Variants in IQCJ observed in about 807,000 individuals in gnomAD.
The protein encoded by IQCJ is IQ motif containing J, also known as IQ domain-containing protein J.
Under a neutral mutation model 11.0 loss-of-function variants are expected in IQCJ, and 9 were observed. That is an observed-to-expected ratio of 0.82 (90% CI 0.49 to 1.43). The LOEUF is 1.43. IQCJ is among the 40% of genes most tolerant of loss of function. The probability of loss-of-function intolerance (pLI) is 0.00; values close to 1 mark genes in which losing one functional copy is unlikely to be tolerated. For missense variants in IQCJ, 146 were observed against 133.2 expected (o/e 1.10, Z -0.47); for synonymous variants, 55 against 51.3 (o/e 1.07, Z -0.31).
chr3:159,230,077 T>C (rs1726156752), intron 1 of IQCJ, among the ~76,000 whole-genome samples: 1 of 151,396 alleles, frequency 6.6e-6, no homozygotes, highest in East Asian at 2.0e-4. Context: ...GCAGTGTTTA[T>C]TGTACCTATT....
chr3:159,252,920 C>G, intron 3 of IQCJ, 113 bp downstream of exon 3: 6 of 1,068,508 alleles, frequency 5.6e-6, no homozygotes, highest in Non-Finnish European at 8.1e-6. Context: ...CATTCATGTG[C>G]TGCATATTAT....
intron 1 of IQCJ, among the ~76,000 whole-genome samples, chr3:159,174,469 A>T (rs908086835): frequency 9.2e-5 from 14 of 152,286 alleles, no homozygotes; most frequent in African/African-American, 3.1e-4. Context: ...ATCACTAAAA[A>T]TAACAGTAAA....
intron 1 of IQCJ, among the ~76,000 whole-genome samples, chr3:159,132,381 A>T (rs1720040948): frequency 6.6e-6 from 1 of 152,224 alleles, no homozygotes; most frequent in African/African-American, 2.4e-5. Flanking sequence ...TCATTTGAAG[A>T]TCTTTCTGGC....
In IQCJ at chr3:159,190,608, G is replaced by A. The variant is rs375013222; in HGVS notation, c.10-55235G>A. Among the ~76,000 whole-genome samples, 46 of 152,326 alleles carry A rather than the reference G, an allele frequency of 3.0e-4. No individual in the cohort carries two copies. The South Asian group carries it at 8.1e-3, about 27-fold the overall frequency. ...AGTCATTCCTGGCAGTAAGACAGCC[G>A]TGAGGTACATACTTGGATGAAGCTA... On this transcript the variant is annotated intron_variant, in intron 1 of 3. Transcript: ENST00000397832.
chr3:159,108,971 T>A (rs1718443220), intron 1 of IQCJ, among the ~76,000 whole-genome samples: 1 of 152,136 alleles, frequency 6.6e-6, no homozygotes, highest in African/African-American at 2.4e-5. Flanking sequence ...GCCTCCTGGG[T>A]CCCAGGACTG....
intron 1 of IQCJ, among the ~76,000 whole-genome samples, chr3:159,113,801 C>T (rs1327664312): frequency 6.6e-6 from 1 of 151,672 alleles, no homozygotes; most frequent in African/African-American, 2.4e-5. Flanking sequence ...ATTGTGCAAA[C>T]TCTATGGAGC....
At chr3:159,187,521 G>C (rs1444443835) in intron 1 of IQCJ, among the ~76,000 whole-genome samples, 1 of 152,220 alleles carries the variant, frequency 6.6e-6, no homozygotes, top group Non-Finnish European at 1.5e-5. Flanking sequence ...CAACACGGCA[G>C]GGCTTCGCTC....
intron 1 of IQCJ, among the ~76,000 whole-genome samples, chr3:159,151,226 T>A (rs1404499440): frequency 6.6e-6 from 1 of 152,222 alleles, no homozygotes; most frequent in Non-Finnish European, 1.5e-5. Context: ...AACAATAATC[T>A]TAGCCTGGTG....
At chr3:159,179,689 A>G (rs1343631295) in intron 1 of IQCJ, among the ~76,000 whole-genome samples, 1 of 152,232 alleles carries the variant, frequency 6.6e-6, no homozygotes, top group Non-Finnish European at 1.5e-5. Context: ...GACTGACAAT[A>G]GCTATAAAAA....
chr3:159,180,859 T>C (rs1487555253), intron 1 of IQCJ, among the ~76,000 whole-genome samples: 2 of 152,034 alleles, frequency 1.3e-5, no homozygotes, highest in East Asian at 1.9e-4. Context: ...TCTAGATATA[T>C]GTTTTTAAAA....
downstream of IQCJ, among the ~76,000 whole-genome samples, chr3:159,264,408 A>G (rs985799931): frequency 6.6e-6 from 1 of 152,168 alleles, no homozygotes; most frequent in African/African-American, 2.4e-5. Flanking sequence ...TAACAGTTCT[A>G]CTTTATTTAA....
At chr3:159,082,646 G>A (rs1045281318) in intron 1 of IQCJ, among the ~76,000 whole-genome samples, 8 of 152,116 alleles carry the variant, frequency 5.3e-5, no homozygotes, top group Non-Finnish European at 1.2e-4. Context: ...GGAGGTTAAG[G>A]AAAGGGAAGC....
intron 1 of IQCJ, among the ~76,000 whole-genome samples, chr3:159,182,688 A>C (rs1485455704): frequency 6.6e-6 from 1 of 151,978 alleles, no homozygotes. Flanking sequence ...GATCGGAACA[A>C]AACAGGATAT....
chr3:159,258,754 G>C (rs1174639862), intron 3 of IQCJ, among the ~76,000 whole-genome samples: 1 of 152,144 alleles, frequency 6.6e-6, no homozygotes, highest in African/African-American at 2.4e-5. Flanking sequence ...ATTTCTGGCT[G>C]TTCTTGAAAA....
At chr3:159,227,988 G>A (rs1357448070) in intron 1 of IQCJ, among the ~76,000 whole-genome samples, 1 of 152,224 alleles carries the variant, frequency 6.6e-6, no homozygotes, top group African/African-American at 2.4e-5. Context: ...GAGCTTTAGT[G>A]AACTGTGCAC....
chr3:159,213,940 G>T (rs1468062881), intron 1 of IQCJ, among the ~76,000 whole-genome samples: 1 of 152,030 alleles, frequency 6.6e-6, no homozygotes, highest in Non-Finnish European at 1.5e-5. Flanking sequence ...TACTTTTGGG[G>T]CTTCTTTCTT....
chr3:159,147,810 C>G (rs1721002460), intron 1 of IQCJ, among the ~76,000 whole-genome samples: 1 of 152,198 alleles, frequency 6.6e-6, no homozygotes, highest in Non-Finnish European at 1.5e-5. Flanking sequence ...ATCTGAATCT[C>G]TCTTTGAAAC....
intron 1 of IQCJ, among the ~76,000 whole-genome samples, chr3:159,203,296 G>A (rs147173346): frequency 1.5e-4 from 23 of 149,688 alleles, no homozygotes; most frequent in African/African-American, 5.2e-4. Flanking sequence ...TGTGGTCTGT[G>A]AGGTGATTGT....
At chr3:159,160,848 CA>C (rs1721808253) in intron 1 of IQCJ, among the ~76,000 whole-genome samples, 1 of 152,110 alleles carries the variant, frequency 6.6e-6, no homozygotes, top group South Asian at 2.1e-4. Flanking sequence ...CGTGTCCCTA[CA>C]AAGGACATGA....
Sources: gnomAD v4.1 joint callset for allele counts (sites outside exome capture counted in the v4.1 genomes callset) on GRCh38, gnomAD v4.1.1 for gene constraint, MANE v1.5 for transcripts, NCBI Gene and HGNC (gene_info 2026-07-23, HGNC 2026-07-21) for gene names.